Variants in LIPC observed in about 807,000 individuals in gnomAD.
LIPC encodes lipase C, hepatic type, also known as hepatic triacylglycerol lipase.
In LIPC, 44 loss-of-function variants were observed where a neutral mutation model predicts 50.7. The observed-to-expected ratio is 0.87, with a 90% CI of 0.68 to 1.11. The LOEUF (loss-of-function observed/expected upper bound fraction) is 1.11, where lower values mean the gene tolerates loss of function less well. Ranked by LOEUF, LIPC falls within the 50% of genes most tolerant of loss-of-function variation. LIPC has a pLI of 0.00. For missense variants in LIPC, 697 were observed against 648.2 expected (o/e 1.08, Z -0.82); for synonymous variants, 271 against 256.4 (o/e 1.06, Z -0.54).
Position 58,511,402 on chromosome 15 carries a change from C to T in LIPC, c.89-26931C>T, listed in dbSNP as rs145686446. 8.5e-4 allele frequency among the ~76,000 whole-genome samples: 120 copies of T among 141,474 alleles called. 2 individuals are homozygous for T. Among genetic ancestry groups the T allele is most frequent in the Middle Eastern group, 6.8e-3 (2 of 292 alleles). The allele number at this position is 141,474 out of a possible 152,430, so 92.8% of individuals were successfully genotyped here. On this transcript the variant is annotated intron_variant, in intron 1 of 8. Transcript: ENST00000299022. ...CAATAAATCATTCCATTGCATTTAC[C>T]ATTGCATTGCATTTACCATTGCATT...
In LIPC at chr15:58,545,833, C is replaced by A. The variant is rs770200473; in HGVS notation, c.666C>A (p.Thr222=). Residue 222 remains threonine (T), a synonymous_variant, in exon 5 of 9, where the codon ACC becomes ACA. Transcript: ENST00000299022. Reference sequence around the variant, plus strand: ...CCAATTTTGTGGATGCCATTCATACCTTTACCCGGGAGCACATGGGCCTGA... The same window carrying A: ...CCAATTTTGTGGATGCCATTCATACATTTACCCGGGAGCACATGGGCCTGA... ...DDANFVDAIH[T]FTREHMGLSV... is the part of the protein sequence containing the mutation. The A allele has an allele frequency of 6.2e-7, 1 of 1,614,178 alleles. No individual in the cohort carries two copies.
intron 1 of LIPC, among the ~76,000 whole-genome samples, chr15:58,481,910 T>A (rs12591216): frequency 4.6e-5 from 7 of 152,152 alleles, no homozygotes; most frequent in Non-Finnish European, 1.0e-4. Flanking sequence ...ATCCAGCTTA[T>A]GTAAAAAGGG....
At chr15:58,449,499 T>C (rs1270962240) in intron 1 of LIPC, among the ~76,000 whole-genome samples, 2 of 152,142 alleles carry the variant, frequency 1.3e-5, no homozygotes, top group Non-Finnish European at 2.9e-5. Context: ...GAAAGATAAA[T>C]GTGGCTTTGT....
intron 1 of LIPC, among the ~76,000 whole-genome samples, chr15:58,515,916 T>C (rs761372255): frequency 6.6e-6 from 1 of 152,176 alleles, no homozygotes; most frequent in Non-Finnish European, 1.5e-5. Flanking sequence ...CTTCTTAGTG[T>C]CACTGTGAAA....
At chr15:58,561,532 A>G (rs948909536) in intron 7 of LIPC, among the ~76,000 whole-genome samples, 2 of 152,362 alleles carry the variant, frequency 1.3e-5, no homozygotes, top group South Asian at 2.1e-4. Flanking sequence ...GTTTCTTATC[A>G]GACTTAAAAA....
chr15:58,451,475 C>A lies in LIPC; in HGVS notation c.88+19355C>A, dbSNP rs561456415. Among the ~76,000 whole-genome samples, 181 of 152,250 alleles carry A rather than the reference C, an allele frequency of 1.2e-3. 1 individual carries two copies. Among genetic ancestry groups the A allele is most frequent in the African/African-American group, 4.1e-3 (170 of 41,542 alleles). On this transcript the variant is annotated intron_variant, in intron 1 of 8. Coordinates refer to ENST00000299022, the MANE Select transcript of LIPC (RefSeq NM_000236.3). ...CATAACACTTCAGAGTGCCAGATTC[C>A]TCAGTCCTTGGAACTCAAACTTCCA...
chr15:58,565,012 C>T (rs1388533352), intron 8 of LIPC, among the ~76,000 whole-genome samples: 1 of 152,158 alleles, frequency 6.6e-6, no homozygotes, highest in Non-Finnish European at 1.5e-5. Context: ...GGTTTCTAAC[C>T]TCTGAACTAC....
At chr15:58,507,338 GGGAAGGAA>G (rs150814777) in intron 1 of LIPC, among the ~76,000 whole-genome samples, 3 of 151,618 alleles carry the variant, frequency 2.0e-5, no homozygotes, top group African/African-American at 7.3e-5. Context: ...GAGAGGAGGA[GGGAAGGAA>G]GGAAGGAAGG....
At chr15:58,500,819 A>G (rs1221265944) in intron 1 of LIPC, among the ~76,000 whole-genome samples, 1 of 141,000 alleles carries the variant, frequency 7.1e-6, no homozygotes, top group African/African-American at 2.7e-5. Flanking sequence ...GCTTCTTGAC[A>G]TCTGAAATGT....
chr15:58,537,296 G>A (rs1893157202), intron 1 of LIPC, among the ~76,000 whole-genome samples: 2 of 152,184 alleles, frequency 1.3e-5, no homozygotes, highest in African/African-American at 4.8e-5. Context: ...TGGCAGAGTT[G>A]GATGGCCACT....
chr15:58,537,061 G>A (rs1566942695), intron 1 of LIPC, among the ~76,000 whole-genome samples: 1 of 152,250 alleles, frequency 6.6e-6, no homozygotes, highest in Non-Finnish European at 1.5e-5. Flanking sequence ...GAGCGGCCTT[G>A]TGTCTGCTCC....
intron 1 of LIPC, among the ~76,000 whole-genome samples, chr15:58,507,338 G>A (rs1892184799): frequency 1.3e-5 from 2 of 151,618 alleles, no homozygotes; most frequent in South Asian, 4.2e-4. Flanking sequence ...GAGAGGAGGA[G>A]GGAAGGAAGG....
chr15:58,534,858 C>T (rs903977548), intron 1 of LIPC, among the ~76,000 whole-genome samples: 5 of 152,146 alleles, frequency 3.3e-5, no homozygotes, highest in African/African-American at 1.2e-4. Context: ...CTCTTTGTCC[C>T]AAGTTCTTCA....
At chr15:58,537,435 C>T (rs1463010021) in intron 1 of LIPC, among the ~76,000 whole-genome samples, 3 of 152,206 alleles carry the variant, frequency 2.0e-5, no homozygotes, top group Admixed American at 6.5e-5. Flanking sequence ...CCACCTCCCA[C>T]GGCCTTGGAA....
intron 7 of LIPC, among the ~76,000 whole-genome samples, chr15:58,562,982 T>G (rs1461120544): frequency 6.6e-6 from 1 of 152,216 alleles, no homozygotes; most frequent in East Asian, 1.9e-4. Context: ...TCATGATACC[T>G]CAGAGTCTGC....
rs1335462271 is a variant in LIPC, at chr15:58,557,443, G to A, written c.1052-3421G>A. 6.2e-5 allele frequency among the ~76,000 whole-genome samples: 8 copies of A among 129,892 alleles called. No homozygotes were observed. In the Admixed American group the frequency reaches 7.5e-4, roughly 12 times the overall value. 85.2% of individuals were successfully genotyped at this position (129,892 alleles called of 152,430 possible). On this transcript the variant is annotated intron_variant, in intron 6 of 8. Coordinates refer to ENST00000299022, the MANE Select transcript of LIPC (RefSeq NM_000236.3). ...TCTGTCACCCAGGCTGGAGCGCAGTGGCGCGATCTCAGCTCACTGTAAGCT... is the reference window on the plus strand; with the variant it reads ...TCTGTCACCCAGGCTGGAGCGCAGTAGCGCGATCTCAGCTCACTGTAAGCT...
chr15:58,458,204 T>C (rs767758198), intron 1 of LIPC, among the ~76,000 whole-genome samples: 3 of 152,028 alleles, frequency 2.0e-5, no homozygotes, highest in Non-Finnish European at 4.4e-5. Context: ...ATATATTCTG[T>C]ACTGTGTCCC....
chr15:58,464,878 C>T (rs1361449099), intron 1 of LIPC, among the ~76,000 whole-genome samples: 1 of 152,120 alleles, frequency 6.6e-6, no homozygotes, highest in African/African-American at 2.4e-5. Context: ...GAGACTGAGG[C>T]AGAAAAATCG....
intron 6 of LIPC, among the ~76,000 whole-genome samples, chr15:58,552,534 C>T (rs1284102557): frequency 6.6e-6 from 1 of 152,196 alleles, no homozygotes; most frequent in African/African-American, 2.4e-5. Context: ...GCCCTTCCCC[C>T]TCCCCCGCCC....
Sources: allele counts gnomAD v4.1 joint callset (sites outside exome capture counted in the v4.1 genomes callset), GRCh38; gene constraint gnomAD v4.1.1; transcripts MANE v1.5; gene names NCBI Gene and HGNC (gene_info 2026-07-23, HGNC 2026-07-21).